IL1RAPL2: variants seen among roughly 807,000 people sequenced by gnomAD.
The protein encoded by IL1RAPL2 is interleukin 1 receptor accessory protein like 2.
Under a neutral mutation model 44.1 loss-of-function variants are expected in IL1RAPL2, and 3 were observed. The observed-to-expected ratio is 0.07, with a 90% CI of 0.03 to 0.18. IL1RAPL2 has a LOEUF of 0.18. IL1RAPL2 is among the 10% of genes least tolerant of loss of function. The probability of loss-of-function intolerance (pLI) is 1.00; values close to 1 mark genes in which losing one functional copy is unlikely to be tolerated. For synonymous variants in IL1RAPL2, 181 were observed against 178.8 expected (o/e 1.01, Z -0.10); for missense variants, 391 against 496.4 (o/e 0.79, Z 2.02).
intron 2 of IL1RAPL2, among the ~76,000 whole-genome samples, chrX:105,035,085 G>A (rs56101510): frequency 1.2e-3 from 130 of 111,616 alleles, no homozygotes; most frequent in Middle Eastern, 4.7e-3. Flanking sequence ...TTTTAAGCCC[G>A]TTGGAAAAGT....
At chrX:104,775,042 T>G (rs1048227479) in intron 2 of IL1RAPL2, among the ~76,000 whole-genome samples, 1 of 112,386 alleles carries the variant, frequency 8.9e-6, no homozygotes, top group African/African-American at 3.2e-5. Flanking sequence ...GTGCACCGAG[T>G]GTCAGCAGTC....
intron 6 of IL1RAPL2, among the ~76,000 whole-genome samples, chrX:105,643,569 C>T (rs2037583686): frequency 8.9e-6 from 1 of 112,101 alleles, no homozygotes; most frequent in Non-Finnish European, 1.9e-5. Context: ...TGCTTTTGGC[C>T]CTCTGCTTCT....
chrX:104,690,687 T>G (rs1196170108), intron 2 of IL1RAPL2, among the ~76,000 whole-genome samples: 2 of 112,328 alleles, frequency 1.8e-5, no homozygotes, highest in African/African-American at 3.2e-5. Context: ...TGTTCATTCT[T>G]CTCAGAAATC....
intron 2 of IL1RAPL2, among the ~76,000 whole-genome samples, chrX:105,087,519 T>C (rs193168838): frequency 4.2e-4 from 47 of 111,987 alleles, no homozygotes; most frequent in Non-Finnish European, 7.9e-4. Context: ...GCTGAGCTAA[T>C]TGAAGGGCAA....
chrX:104,827,620 G>A (rs927632185), intron 2 of IL1RAPL2, among the ~76,000 whole-genome samples: 3 of 110,553 alleles, frequency 2.7e-5, no homozygotes, highest in South Asian at 3.9e-4. Context: ...TGCTCTTCTC[G>A]AGGAGTATCT....
At chrX:105,454,710 G>T (rs375307942) in intron 5 of IL1RAPL2, among the ~76,000 whole-genome samples, 10 of 111,643 alleles carry the variant, frequency 9.0e-5, no homozygotes, top group African/African-American at 3.3e-4. Flanking sequence ...CAGAGCTGCT[G>T]TACACTGTGC....
intron 2 of IL1RAPL2, among the ~76,000 whole-genome samples, chrX:104,667,646 C>T (rs1178862884): frequency 1.8e-5 from 2 of 111,289 alleles, no homozygotes; most frequent in Non-Finnish European, 1.9e-5. Context: ...CTTAATCACT[C>T]GTCCATGTTG....
chrX:104,673,958 G>C lies in IL1RAPL2; in HGVS notation c.82+14963G>C, dbSNP rs1440498661. Among the ~76,000 whole-genome samples, 4 of 111,171 alleles carry C rather than the reference G, an allele frequency of 3.6e-5. No homozygotes were observed. In the East Asian group the frequency reaches 1.1e-3, roughly 31 times the overall value. The stretch of plus-strand genomic sequence containing the variant: ...TTTGTACATTGATTTTGTATCCTGA[G>C]AGTTTGCTGAAGTTGCTTATCAGCT... On this transcript the variant is annotated intron_variant, in intron 2 of 10. Coordinates refer to ENST00000372582, the MANE Select transcript of IL1RAPL2 (RefSeq NM_017416.2).
chrX:104,849,252 G>A (rs184135399), intron 2 of IL1RAPL2, among the ~76,000 whole-genome samples: 11 of 104,713 alleles, frequency 1.1e-4, no homozygotes, highest in Non-Finnish European at 2.0e-4. Flanking sequence ...GGCTGGCCAC[G>A]TTGCCCAGGC....
chrX:105,033,870 A>G (rs1329862689), intron 2 of IL1RAPL2, among the ~76,000 whole-genome samples: 1 of 111,734 alleles, frequency 8.9e-6, no homozygotes, highest in Non-Finnish European at 1.9e-5. Flanking sequence ...CCAATCAGAC[A>G]TAGATTTGGT....
chrX:104,999,275 T>C (rs2030808354), intron 2 of IL1RAPL2, among the ~76,000 whole-genome samples: 2 of 111,417 alleles, frequency 1.8e-5, no homozygotes, highest in Non-Finnish European at 3.8e-5. Flanking sequence ...CAAGATACTA[T>C]GTGTACGTGG....
At chrX:105,019,945 G>C (rs767871453) in intron 2 of IL1RAPL2, among the ~76,000 whole-genome samples, 1 of 111,044 alleles carries the variant, frequency 9.0e-6, no homozygotes, top group Non-Finnish European at 1.9e-5. Flanking sequence ...GAGTATTAAA[G>C]TTCTGCCTTA....
chrX:105,041,446 G>A (rs1356329259), intron 2 of IL1RAPL2, among the ~76,000 whole-genome samples: 13 of 110,562 alleles, frequency 1.2e-4, no homozygotes, highest in African/African-American at 3.6e-4. Context: ...TTGACTTTCT[G>A]TCTCATTGAT....
intron 2 of IL1RAPL2, among the ~76,000 whole-genome samples, chrX:104,680,811 T>C (rs1256511616): frequency 8.9e-6 from 1 of 111,828 alleles, no homozygotes; most frequent in Admixed American, 9.5e-5. Flanking sequence ...CTGCCCTATA[T>C]GAAAGATTCT....
intron 2 of IL1RAPL2, among the ~76,000 whole-genome samples, chrX:104,924,044 T>A (rs866583147): frequency 2.1e-5 from 2 of 97,260 alleles, no homozygotes; most frequent in African/African-American, 7.4e-5. Context: ...ATAACAATAG[T>A]AAAAAAAAAA....
chrX:104,990,719 C>G (rs925073025), intron 2 of IL1RAPL2, among the ~76,000 whole-genome samples: 2 of 111,554 alleles, frequency 1.8e-5, no homozygotes, highest in South Asian at 7.4e-4. Context: ...TATTATTATT[C>G]AATAAGGCAA....
chrX:105,248,647 G>A (rs1205757505), intron 4 of IL1RAPL2, among the ~76,000 whole-genome samples: 4 of 109,736 alleles, frequency 3.6e-5, no homozygotes, highest in African/African-American at 1.0e-4. Context: ...AATTTTGTAG[G>A]AAAAAAACCT....
chrX:105,274,838 T>C (rs146836303), intron 5 of IL1RAPL2, among the ~76,000 whole-genome samples: 4,035 of 108,031 alleles, frequency 0.037, 198 homozygotes, highest in African/African-American at 0.14. Context: ...CAGGTCAAAG[T>C]TAAACAGTCA....
intron 2 of IL1RAPL2, among the ~76,000 whole-genome samples, chrX:104,673,596 C>T (rs1930669614): frequency 9.0e-6 from 1 of 110,834 alleles, no homozygotes; most frequent in African/African-American, 3.3e-5. Context: ...TTTTTGGTTC[C>T]ATATGAACTT....
Sources: gnomAD v4.1 joint callset for allele counts (sites outside exome capture counted in the v4.1 genomes callset) on GRCh38, gnomAD v4.1.1 for gene constraint, MANE v1.5 for transcripts, NCBI Gene and HGNC (gene_info 2026-07-23, HGNC 2026-07-21) for gene names.